Variants in DLG2 observed in about 807,000 individuals in gnomAD.
DLG2 encodes the protein disks large homolog 2.
In DLG2, 45 loss-of-function variants were observed where a neutral mutation model predicts 132.5. That is an observed-to-expected ratio of 0.34 (90% CI 0.27 to 0.44). The LOEUF is 0.44. DLG2 is among the 20% of genes least tolerant of loss of function. DLG2 has a pLI of 1.00. For missense variants in DLG2, 1,045 were observed against 1,196.9 expected, an observed-to-expected ratio of 0.87 and a Z score of 1.87; for synonymous variants, 424 against 419.6, an observed-to-expected ratio of 1.01 and a Z score of -0.13.
intron 6 of DLG2, among the ~76,000 whole-genome samples, chr11:84,982,987 G>A (rs760707629): frequency 6.6e-6 from 1 of 152,178 alleles, no homozygotes; most frequent in Non-Finnish European, 1.5e-5. Context: ...GTGAAAGACT[G>A]AATGGTTTTC....
intron 10 of DLG2, among the ~76,000 whole-genome samples, chr11:84,076,583 T>G (rs1466258187): frequency 6.6e-6 from 1 of 152,218 alleles, no homozygotes; most frequent in Non-Finnish European, 1.5e-5. Flanking sequence ...ACTTCCCACT[T>G]ATAACTCCTA....
At chr11:83,570,547 AAAAGT>A (rs1593423445) in intron 19 of DLG2, among the ~76,000 whole-genome samples, 2 of 152,190 alleles carry the variant, frequency 1.3e-5, no homozygotes, top group East Asian at 1.9e-4. Flanking sequence ...ACTTCAGAAT[AAAAGT>A]AAAGGAAGGT....
At chr11:83,747,268 T>C (rs1361753223) in intron 18 of DLG2, among the ~76,000 whole-genome samples, 1 of 145,314 alleles carries the variant, frequency 6.9e-6, no homozygotes, top group Admixed American at 6.8e-5. Context: ...TTTAATTTGC[T>C]TTAAAATCTT....
At chr11:85,160,312 C>G (rs1262658970) in intron 4 of DLG2, among the ~76,000 whole-genome samples, 1 of 152,198 alleles carries the variant, frequency 6.6e-6, no homozygotes, top group Non-Finnish European at 1.5e-5. Context: ...TATGACCCAG[C>G]AGATCCAATG....
chr11:85,098,227 C>A (rs539011242), intron 6 of DLG2, among the ~76,000 whole-genome samples: 5 of 152,276 alleles, frequency 3.3e-5, no homozygotes, highest in African/African-American at 1.2e-4. Context: ...AAAGTCCATG[C>A]TCTTTCCAGT....
intron 16 of DLG2, among the ~76,000 whole-genome samples, chr11:83,846,760 TTA>T (rs142410950): frequency 0.063 from 9,542 of 152,156 alleles, 400 homozygotes; most frequent in African/African-American, 0.12. Flanking sequence ...TTAGTTTGAT[TTA>T]AAAATATTTG....
At chr11:84,885,379 G>A (rs2154057438) in intron 6 of DLG2, among the ~76,000 whole-genome samples, 1 of 152,162 alleles carries the variant, frequency 6.6e-6, no homozygotes, top group South Asian at 2.1e-4. Context: ...TGTCACCCAA[G>A]GATAGATTGC....
intron 2 of DLG2, among the ~76,000 whole-genome samples, chr11:85,626,360 C>T (rs1191655198): frequency 2.6e-5 from 4 of 152,126 alleles, no homozygotes; most frequent in Non-Finnish European, 4.4e-5. Flanking sequence ...TTATTACCAA[C>T]GGTGATATAA....
chr11:83,671,570 G>A (rs2076829652), intron 18 of DLG2, among the ~76,000 whole-genome samples: 1 of 152,102 alleles, frequency 6.6e-6, no homozygotes, highest in Non-Finnish European at 1.5e-5. Context: ...TGAGTATTTG[G>A]GATATAGCAA....
At chr11:84,431,103 T>C (rs1440469100) in intron 7 of DLG2, among the ~76,000 whole-genome samples, 1 of 152,194 alleles carries the variant, frequency 6.6e-6, no homozygotes, top group East Asian at 1.9e-4. Flanking sequence ...GATTTTGCAT[T>C]TAATTTTTAA....
chr11:83,553,791 A>G (rs1428881170), intron 19 of DLG2, among the ~76,000 whole-genome samples: 1 of 152,178 alleles, frequency 6.6e-6, no homozygotes, highest in African/African-American at 2.4e-5. Flanking sequence ...AATTTAGAGG[A>G]AAAAACCTAA....
intron 7 of DLG2, among the ~76,000 whole-genome samples, chr11:84,327,637 A>T (rs921514430): frequency 6.6e-6 from 1 of 152,192 alleles, no homozygotes; most frequent in Non-Finnish European, 1.5e-5. Context: ...GACATCTTGC[A>T]GTTATAATAA....
intron 19 of DLG2, among the ~76,000 whole-genome samples, chr11:83,554,922 C>T (rs531041057): frequency 2.0e-5 from 3 of 152,298 alleles, no homozygotes; most frequent in South Asian, 4.1e-4. Flanking sequence ...TTTGGGGATA[C>T]AGTGTGAATA....
At chr11:85,463,393 T>C (rs922474755) in intron 3 of DLG2, among the ~76,000 whole-genome samples, 2 of 152,072 alleles carry the variant, frequency 1.3e-5, no homozygotes, top group Non-Finnish European at 2.9e-5. Flanking sequence ...ACAGAAAGCA[T>C]CAAAAGATTC....
At chr11:84,898,383 C>T (rs2090466339) in intron 6 of DLG2, among the ~76,000 whole-genome samples, 2 of 151,688 alleles carry the variant, frequency 1.3e-5, no homozygotes, top group South Asian at 2.1e-4. Context: ...ATGCTTTTTT[C>T]GTTAGCTACC....
intron 18 of DLG2, among the ~76,000 whole-genome samples, chr11:83,721,482 G>A (rs532897729): frequency 2.6e-5 from 4 of 152,254 alleles, no homozygotes; most frequent in South Asian, 2.1e-4. Context: ...AGTGACTCAC[G>A]TCAGTTCTTT....
chr11:85,213,099 A>G (rs2082351689), intron 4 of DLG2, among the ~76,000 whole-genome samples: 1 of 152,206 alleles, frequency 6.6e-6, no homozygotes, highest in Non-Finnish European at 1.5e-5. Context: ...AAAAAACCAT[A>G]TAGATAAATG....
At chr11:84,674,700 A>C (rs2099709450) in intron 6 of DLG2, among the ~76,000 whole-genome samples, 1 of 152,108 alleles carries the variant, frequency 6.6e-6, no homozygotes, top group Non-Finnish European at 1.5e-5. Flanking sequence ...ACCTCCTTTT[A>C]GTTTTTGACT....
chr11:84,041,088 C>T (rs2154106076), intron 11 of DLG2, among the ~76,000 whole-genome samples: 1 of 151,978 alleles, frequency 6.6e-6, no homozygotes, highest in Admixed American at 6.6e-5. Flanking sequence ...TGAGACTTTG[C>T]TGAAGTTGCT....
Sources: gnomAD v4.1 joint callset for allele counts (sites outside exome capture counted in the v4.1 genomes callset) on GRCh38, gnomAD v4.1.1 for gene constraint, MANE v1.5 for transcripts, NCBI Gene and HGNC (gene_info 2026-07-23, HGNC 2026-07-21) for gene names.